The following SYN3 variants were observed in gnomAD, a reference collection of about 807,000 sequenced individuals.
The protein encoded by SYN3 is synapsin-3.
A neutral mutation model predicts 65.8 loss-of-function variants in SYN3; 35 were observed. That is an observed-to-expected ratio of 0.53 (90% CI 0.41 to 0.70). The LOEUF (loss-of-function observed/expected upper bound fraction) is 0.70. Among genes scored for constraint, SYN3 ranks in the 30% least tolerant of loss-of-function variants. SYN3 has a pLI of 0.00. For missense variants in SYN3, 680 were observed against 749.0 expected, an observed-to-expected ratio of 0.91 and a Z score of 1.08; for synonymous variants, 270 against 292.9, an observed-to-expected ratio of 0.92 and a Z score of 0.80.
chr22:32,992,203 CAA>C (rs1569386615), intron 2 of SYN3, among the ~76,000 whole-genome samples: 1 of 152,218 alleles, frequency 6.6e-6, no homozygotes, highest in African/African-American at 2.4e-5. Context: ...AGAGAGAAAA[CAA>C]AAGACTTCAG....
intron 1 of SYN3, among the ~76,000 whole-genome samples, chr22:33,048,599 G>GCT (rs916382266): frequency 7.2e-5 from 11 of 151,872 alleles, no homozygotes; most frequent in Non-Finnish European, 1.3e-4. Context: ...TCTCTCTGTT[G>GCT]CTCTCTCTCT....
At chr22:33,056,940 C>T (rs1251115157) in intron 1 of SYN3, among the ~76,000 whole-genome samples, 1 of 152,192 alleles carries the variant, frequency 6.6e-6, no homozygotes, top group South Asian at 2.1e-4. Context: ...AAAAGAAGAG[C>T]AGAGGCACCC....
At chr22:33,016,159 T>G (rs1466042913) in intron 1 of SYN3, among the ~76,000 whole-genome samples, 4 of 152,216 alleles carry the variant, frequency 2.6e-5, no homozygotes, top group Non-Finnish European at 5.9e-5. Context: ...AAATAATTTC[T>G]TACACACTTG....
At chr22:32,540,287 T>C (rs963162357) in intron 8 of SYN3, among the ~76,000 whole-genome samples, 7 of 152,184 alleles carry the variant, frequency 4.6e-5, no homozygotes, top group African/African-American at 1.7e-4. Flanking sequence ...AGAACTGTAT[T>C]TAGAGACAGG....
chr22:32,760,541 C>A (rs2045449783), intron 6 of SYN3, among the ~76,000 whole-genome samples: 1 of 152,088 alleles, frequency 6.6e-6, no homozygotes, highest in African/African-American at 2.4e-5. Context: ...TTCCCTTCCA[C>A]CACAGTCAGG....
rs575357916 is a variant in SYN3 at position 32,537,118 on chromosome 22, T to C, written c.992+918A>G. 3.9e-5 allele frequency among the ~76,000 whole-genome samples: 6 copies of C among 152,206 alleles called. No individual in the cohort carries two copies. The South Asian group carries it at 1.2e-3, about 32-fold the overall frequency. ...GGGCATGCAGGCAAGAAGGTATGTA[T>C]GTGGCAGGCCCTGAGACCAGCTGAC... is the stretch of plus-strand genomic sequence containing the variant. On this transcript the variant is annotated intron_variant, in intron 9 of 13. Coordinates refer to ENST00000358763, the MANE Select transcript of SYN3 (RefSeq NM_003490.4).
chr22:32,859,352 G>A, intron 6 of SYN3: 2 of 1,612,472 alleles, frequency 1.2e-6, no homozygotes, highest in Non-Finnish European at 1.7e-6. Flanking sequence ...CCGGATAAAA[G>A]CATCATCAAT....
chr22:32,920,958 C>T (rs2050321033), intron 4 of SYN3, among the ~76,000 whole-genome samples: 1 of 152,154 alleles, frequency 6.6e-6, no homozygotes, highest in African/African-American at 2.4e-5. Context: ...AGCTCTCCTG[C>T]TCAAGTCTAG....
At chr22:33,053,149 G>A (rs973653392) in intron 1 of SYN3, among the ~76,000 whole-genome samples, 1 of 152,200 alleles carries the variant, frequency 6.6e-6, no homozygotes, top group African/African-American at 2.4e-5. Context: ...TCGGCCGGGC[G>A]CAGTGGCTCA....
chr22:32,615,432 T>TAAAAAAAAAAAAA (rs1190319833), intron 6 of SYN3, among the ~76,000 whole-genome samples: 2 of 74,392 alleles, frequency 2.7e-5, no homozygotes, highest in Non-Finnish European at 4.6e-5. Flanking sequence ...AGACTTCATC[T>TAAAAAAAAAAAAA]AAAAAAAAAA....
At chr22:32,744,995 A>G (rs533363977) in intron 6 of SYN3, among the ~76,000 whole-genome samples, 1 of 152,328 alleles carries the variant, frequency 6.6e-6, no homozygotes, top group South Asian at 2.1e-4. Context: ...TAGGCATTTC[A>G]GAGAAGTGAT....
intron 3 of SYN3, among the ~76,000 whole-genome samples, chr22:32,969,696 T>G (rs995118511): frequency 1.3e-5 from 2 of 152,182 alleles, no homozygotes; most frequent in African/African-American, 4.8e-5. Context: ...CTTTCAGCTG[T>G]TAAACAAGGG....
rs140835136 is a variant in SYN3, at chr22:32,892,021, C to T, written c.462-22896G>A. ...TAATAATAATAAAAAGCTGGCTGGGCGCATAGCTCATACCTGTAATCCTAG... is the reference window on the plus strand; with the variant it reads ...TAATAATAATAAAAAGCTGGCTGGGTGCATAGCTCATACCTGTAATCCTAG... On this transcript the variant is annotated intron_variant, in intron 4 of 13. Coordinates refer to ENST00000358763, the MANE Select transcript of SYN3 (RefSeq NM_003490.4). Among the ~76,000 whole-genome samples the T allele has an allele frequency of 1.3e-4, 19 of 150,980 alleles. No individual in the cohort carries two copies. In the East Asian group the frequency reaches 3.1e-3, roughly 25 times the overall value.
rs2045986322 is a variant in SYN3 at position 32,779,666 on chromosome 22, G to A, written c.711+85249C>T. ...TGACTTACCCAGGGGCACTCAGCTGGCTAGTTGCAGAGCTGGGAATCAAAC... is the reference window on the plus strand; with the variant it reads ...TGACTTACCCAGGGGCACTCAGCTGACTAGTTGCAGAGCTGGGAATCAAAC... On this transcript the variant is annotated intron_variant, in intron 6 of 13. Transcript: ENST00000358763. Among the ~76,000 whole-genome samples, 3 of 152,214 alleles carry A rather than the reference G, an allele frequency of 2.0e-5. No individual in the cohort carries two copies. The South Asian group carries it at 6.2e-4, about 32-fold the overall frequency.
At chr22:32,643,367 T>G (rs947340379) in intron 6 of SYN3, among the ~76,000 whole-genome samples, 1 of 152,098 alleles carries the variant, frequency 6.6e-6, no homozygotes, top group South Asian at 2.1e-4. Flanking sequence ...CGTGAGCCAC[T>G]GCGCCCCACC....
rs748335496 is a variant in SYN3 at position 32,913,163 on chromosome 22, AT to A, written c.461+18226del. The stretch of plus-strand genomic sequence containing the variant: ...CTGCTCTAAGATGTAAACTCTATTA[AT>A]TTTTTTTTTTTTTTGAGATGGAGTC... On this transcript the variant is annotated intron_variant, in intron 4 of 13. Transcript: ENST00000358763. Among the ~76,000 whole-genome samples the A allele has an allele frequency of 5.2e-3, 750 of 144,198 alleles. 3 individuals are homozygous for A. Among genetic ancestry groups the A allele is most frequent in the African/African-American group, 0.011 (447 of 39,576 alleles). The allele number at this position is 144,198 out of a possible 152,430, so 94.6% of individuals were successfully genotyped here. A position where few individuals can be genotyped will look rare whatever the true frequency, so the allele number is the denominator to read the frequency against.
intron 1 of SYN3, among the ~76,000 whole-genome samples, chr22:33,044,281 T>C (rs542261761): frequency 3.9e-5 from 6 of 152,302 alleles, no homozygotes; most frequent in Admixed American, 1.3e-4. Context: ...GCCAGCTGGT[T>C]CACTGTAGCA....
At chr22:32,516,308 G>T (rs553485018) in intron 13 of SYN3, among the ~76,000 whole-genome samples, 3 of 152,128 alleles carry the variant, frequency 2.0e-5, no homozygotes, top group Non-Finnish European at 2.9e-5. Flanking sequence ...CGTTGGATGA[G>T]AATGGGGCGG....
intron 6 of SYN3, chr22:32,833,956 T>C (rs1330456410): frequency 2.1e-6 from 1 of 485,402 alleles, no homozygotes; most frequent in Non-Finnish European, 4.1e-6. Flanking sequence ...TTAGGGAAAG[T>C]GGGGAACTAC....
Sources: gnomAD v4.1 joint callset for allele counts (sites outside exome capture counted in the v4.1 genomes callset) on GRCh38, gnomAD v4.1.1 for gene constraint, MANE v1.5 for transcripts, NCBI Gene and HGNC (gene_info 2026-07-23, HGNC 2026-07-21) for gene names.